The following USP24 variants were observed in gnomAD, a reference collection of about 807,000 sequenced individuals.
USP24 encodes ubiquitin carboxyl-terminal hydrolase 24.
USP24 carries 97 observed loss-of-function variants against 361.6 expected under a neutral mutation model. That is an observed-to-expected ratio of 0.27 (90% CI 0.23 to 0.32). The LOEUF is 0.32. USP24 is among the 10% of genes least tolerant of loss of function. The probability of loss-of-function intolerance (pLI) is 1.00; values close to 1 mark genes in which losing one functional copy is unlikely to be tolerated. For synonymous variants in USP24, 1,098 were observed against 1,124.6 expected (o/e 0.98, Z 0.47); for missense variants, 2,353 against 3,165.6 (o/e 0.74, Z 6.16).
chr1:55,094,876 G>A (rs1645461358), intron 51 of USP24, among the ~76,000 whole-genome samples: 1 of 151,820 alleles, frequency 6.6e-6, no homozygotes, highest in Non-Finnish European at 1.5e-5. Flanking sequence ...GGTGCCCCTC[G>A]CCTGTGGTCC....
chr1:55,093,717 C>T, intron 52 of USP24: 2 of 470,912 alleles, frequency 4.2e-6, no homozygotes, highest in South Asian at 8.7e-5. Flanking sequence ...ATTGTGCCTG[C>T]CAATCATGAG....
chr1:55,205,904 C>A (rs1045347942), intron 1 of USP24, among the ~76,000 whole-genome samples: 4 of 152,138 alleles, frequency 2.6e-5, no homozygotes, highest in Non-Finnish European at 5.9e-5. Context: ...TGAGAGGCCC[C>A]ATAGCTCTTA....
intron 38 of USP24, among the ~76,000 whole-genome samples, chr1:55,114,043 C>T (rs898925543): frequency 6.6e-6 from 1 of 152,192 alleles, no homozygotes; most frequent in Non-Finnish European, 1.5e-5. Flanking sequence ...TCTCCTTAAG[C>T]AACTTCAGCA....
rs1232645267 is a variant in USP24, at chr1:55,215,190, C to T, written c.-77G>A. ...CGGGCCTGGCGGGCCGCGCGGCGCA[C>T]CCTCCGCGCCGCCTCCGCGCCCAGG... On this transcript the variant is annotated 5_prime_UTR_variant, in exon 1 of 68. The change creates a new upstream start codon in the 5' untranslated region. Transcript: ENST00000294383. 3 of 1,143,174 alleles carry T rather than the reference C, an allele frequency of 2.6e-6. No individual in the cohort carries two copies. The highest frequency in any genetic ancestry group is 4.5e-5 in the Admixed American group (1 of 22,238). 70.8% of individuals were successfully genotyped at this position (1,143,174 alleles called of 1,614,324 possible). A position where few individuals can be genotyped will look rare whatever the true frequency, so the allele number is the denominator to read the frequency against.
intron 1 of USP24, among the ~76,000 whole-genome samples, chr1:55,198,147 A>C (rs1644467666): frequency 1.4e-5 from 1 of 72,254 alleles, no homozygotes; most frequent in South Asian, 7.8e-4. Context: ...AAAAATATTA[A>C]AAATAATTTT....
intron 55 of USP24, among the ~76,000 whole-genome samples, chr1:55,088,464 C>T (rs1645300449): frequency 6.6e-6 from 1 of 152,162 alleles, no homozygotes; most frequent in East Asian, 1.9e-4. Flanking sequence ...AAAGGGTCAA[C>T]TTCCTTGAGA....
At chr1:55,069,163 G>A (rs1285319587) in intron 67 of USP24, 56 bp from the exon 68 acceptor site, 5 of 1,568,770 alleles carry the variant, frequency 3.2e-6, no homozygotes, top group Admixed American at 1.7e-5. Flanking sequence ...GGTTTTCTAT[G>A]CTGACTTGTG....
In USP24 at chr1:55,081,350, A is replaced by G; in HGVS notation, c.7050T>C (p.His2350=). ...CATTCCTTTGGGATGAGACATCTGA[A>G]TGCAAAACAAGTAACGCCACTGTAT... The part of the protein sequence containing the change: ...LHNTVALLVL[H]SDVSSQRNVA... Residue 2350 remains histidine (H), a synonymous_variant, in exon 59 of 68, where the codon CAT becomes CAC. Transcript: ENST00000294383. The G allele has an allele frequency of 1.2e-6, 2 of 1,613,736 alleles. No homozygotes were observed. The highest frequency in any genetic ancestry group is 1.1e-5 in the South Asian group (1 of 91,072).
At chr1:55,142,882 A>G (rs776331875) in intron 22 of USP24, 87 bp from the exon 23 acceptor site, 1 of 1,423,264 alleles carries the variant, frequency 7.0e-7, no homozygotes, top group Admixed American at 2.6e-5. Flanking sequence ...AAAGAAGCCA[A>G]TTTTTGGTCA....
intron 52 of USP24, among the ~76,000 whole-genome samples, chr1:55,093,205 A>T (rs754198764): frequency 3.9e-5 from 6 of 152,256 alleles, no homozygotes; most frequent in Non-Finnish European, 8.8e-5. Context: ...TATTTTAGGT[A>T]GAAGGGGATA....
In USP24 at chr1:55,156,930, T is replaced by G. The variant is rs1557647820; in HGVS notation, c.1446+18A>C. On this transcript the variant is annotated intron_variant, in intron 12 of 67. Coordinates refer to ENST00000294383, the MANE Select transcript of USP24 (RefSeq NM_015306.3). ...CAAAAACATTAGCCAAAGGCAAAAA[T>G]AATTCTGATCAACCTACCTGTATCT... The G allele has an allele frequency of 6.3e-7, 1 of 1,590,950 alleles. No homozygotes were observed. Among genetic ancestry groups the G allele is most frequent in the Non-Finnish European group, 8.6e-7 (1 of 1,160,130 alleles).
chr1:55,213,187 G>T (rs945133961), intron 1 of USP24, among the ~76,000 whole-genome samples: 1 of 152,194 alleles, frequency 6.6e-6, no homozygotes. Context: ...AGGAACGAGG[G>T]AGGAGTGATA....
intron 1 of USP24, among the ~76,000 whole-genome samples, chr1:55,201,976 C>T (rs777853102): frequency 1.3e-5 from 2 of 152,116 alleles, no homozygotes; most frequent in East Asian, 1.9e-4. Context: ...ACCACACACA[C>T]AGTGCTATGG....
chr1:55,172,590 C>T, intron 3 of USP24, 70 bp from the exon 4 acceptor site: 1 of 1,460,206 alleles, frequency 6.8e-7, no homozygotes. Context: ...TTTATCAAGT[C>T]CATCTCAAAT....
At position 55,150,009 on chromosome 1, in the gene USP24, G is replaced by T. The variant is rs1460281736; in HGVS notation, c.1861-1439C>A. Reference sequence around the variant, plus strand: ...ATGACAGACTCATACCCTGTGAAGGGCTGTACCACTCAGCACTAAATGTCT... The same window carrying T: ...ATGACAGACTCATACCCTGTGAAGGTCTGTACCACTCAGCACTAAATGTCT... On this transcript the variant is annotated intron_variant, in intron 16 of 67. Transcript: ENST00000294383. Among the ~76,000 whole-genome samples the T allele has an allele frequency of 2.0e-5, 3 of 152,148 alleles. No homozygotes were observed. In the East Asian group the frequency reaches 5.8e-4, roughly 29 times the overall value.
intron 58 of USP24, 105 bp downstream of exon 58, chr1:55,083,167 T>G: frequency 9.2e-7 from 1 of 1,088,562 alleles, no homozygotes; most frequent in Non-Finnish European, 1.3e-6. Flanking sequence ...ATGGTACTAC[T>G]ACTTAGACTT....
chr1:55,171,633 C>G lies in USP24; in HGVS notation c.748G>C (p.Val250Leu). ...ACTTCTGCCCAATTCCTTTGAGACA[C>G]TTTCATTCTGTTTTTAAAATGGTAT... Reference protein sequence around the residue: ...NEYHFKNRMKVSQRNWAEVFG... With the variant: ...NEYHFKNRMKLSQRNWAEVFG... The change falls in exon 5 of 68, where the codon GTG (valine) becomes CTG (leucine). Residue 250 changes from valine (V) to leucine (L), a missense_variant. This residue lies in a region of USP24 where 386 missense variants were observed against 560.5 expected (regional missense o/e 0.69). Transcript: ENST00000294383. The G allele has an allele frequency of 6.2e-7, 1 of 1,608,266 alleles. No homozygotes were observed. The highest frequency in any genetic ancestry group is 8.5e-7 in the Non-Finnish European group (1 of 1,176,862).
intron 1 of USP24, among the ~76,000 whole-genome samples, chr1:55,180,621 G>A (rs1383591248): frequency 6.6e-6 from 1 of 152,130 alleles, no homozygotes; most frequent in Non-Finnish European, 1.5e-5. Context: ...CACTATTCCT[G>A]AACTCATCTT....
At chr1:55,212,516 C>T (rs1342249791) in intron 1 of USP24, among the ~76,000 whole-genome samples, 2 of 152,192 alleles carry the variant, frequency 1.3e-5, no homozygotes, top group African/African-American at 2.4e-5. Flanking sequence ...CAGGGCCTGA[C>T]ACCCTGTAGA....
Sources: allele counts gnomAD v4.1 joint callset (sites outside exome capture counted in the v4.1 genomes callset), GRCh38; gene constraint gnomAD v4.1.1; regional missense constraint gnomAD v4.1.1; transcripts MANE v1.5; gene names NCBI Gene and HGNC (gene_info 2026-07-23, HGNC 2026-07-21).